Variants in HMBOX1 observed in about 807,000 individuals in gnomAD.
HMBOX1 encodes the protein homeobox-containing protein 1.
In HMBOX1, 14 loss-of-function variants were observed where a neutral mutation model predicts 54.5. That is an observed-to-expected ratio of 0.26 (90% CI 0.17 to 0.40). The LOEUF (loss-of-function observed/expected upper bound fraction) is 0.40. Ranked by LOEUF, HMBOX1 falls within the 10% of genes least tolerant of loss-of-function variation. The pLI is 1.00. For synonymous variants in HMBOX1, 160 were observed against 181.0 expected, an observed-to-expected ratio of 0.88 and a Z score of 0.93; for missense variants, 332 against 514.4, an observed-to-expected ratio of 0.65 and a Z score of 3.43.
chr8:28,984,100 G>C (rs1829824518), intron 4 of HMBOX1, among the ~76,000 whole-genome samples: 1 of 152,280 alleles, frequency 6.6e-6, no homozygotes, highest in African/African-American at 2.4e-5. Context: ...GTGAGTCTGA[G>C]TATGGAAGCC....
intron 1 of HMBOX1, among the ~76,000 whole-genome samples, chr8:28,948,574 TAAC>T: frequency 6.6e-6 from 1 of 152,340 alleles, no homozygotes; most frequent in South Asian, 2.1e-4. Context: ...TCTGAACTCT[TAAC>T]AAAACCTTTG....
chr8:29,019,522 A>T (rs1800846445), intron 6 of HMBOX1, among the ~76,000 whole-genome samples: 1 of 152,104 alleles, frequency 6.6e-6, no homozygotes, highest in Non-Finnish European at 1.5e-5. Context: ...CCTATAGTAG[A>T]ATTATCTTTT....
intron 4 of HMBOX1, among the ~76,000 whole-genome samples, chr8:28,997,169 C>G (rs1252128197): frequency 6.6e-6 from 1 of 152,176 alleles, no homozygotes; most frequent in Non-Finnish European, 1.5e-5. Flanking sequence ...GAGCAAACAT[C>G]CTTGTCTTGT....
chr8:28,924,913 C>CTT (rs368684931), intron 1 of HMBOX1, among the ~76,000 whole-genome samples: 208 of 126,368 alleles, frequency 1.6e-3, no homozygotes, highest in African/African-American at 5.3e-3. Flanking sequence ...CGCCCAGCCT[C>CTT]TTTTTTTTTT....
intron 3 of HMBOX1, among the ~76,000 whole-genome samples, chr8:28,979,501 A>G (rs1218156277): frequency 6.6e-6 from 1 of 152,182 alleles, no homozygotes; most frequent in Non-Finnish European, 1.5e-5. Flanking sequence ...CCCACTTTAA[A>G]TTTTTTGTTT....
chr8:29,009,716 C>G (rs1280403606), intron 5 of HMBOX1: 1 of 1,286,670 alleles, frequency 7.8e-7, no homozygotes, highest in Admixed American at 2.3e-5. Flanking sequence ...CCAGGAGCAG[C>G]AGTAGATTGG....
At chr8:28,898,129 G>A (rs2131539126) in intron 1 of HMBOX1, among the ~76,000 whole-genome samples, 1 of 152,026 alleles carries the variant, frequency 6.6e-6, no homozygotes, top group Middle Eastern at 3.4e-3. Context: ...GCTTTAAACA[G>A]GCTAACAAAA....
At chr8:29,006,828 G>A (rs1317411521) in intron 4 of HMBOX1, among the ~76,000 whole-genome samples, 2 of 152,124 alleles carry the variant, frequency 1.3e-5, no homozygotes, top group African/African-American at 2.4e-5. Flanking sequence ...TTTCATATTG[G>A]AACCAGTTAA....
At chr8:28,989,611 T>C (rs1445148953) in intron 4 of HMBOX1, among the ~76,000 whole-genome samples, 1 of 152,232 alleles carries the variant, frequency 6.6e-6, no homozygotes, top group African/African-American at 2.4e-5. Context: ...TAGATTATTA[T>C]AAGTCTTGAA....
At chr8:29,021,464 T>C (rs1390332045) in intron 6 of HMBOX1, among the ~76,000 whole-genome samples, 1 of 152,106 alleles carries the variant, frequency 6.6e-6, no homozygotes, top group Non-Finnish European at 1.5e-5. Context: ...TTGCAACTTT[T>C]ATTATCCCTA....
Position 29,045,489 on chromosome 8 carries a change from T to G in HMBOX1, c.934+46T>G, listed in dbSNP as rs767339603. 6 of 1,481,002 alleles carry G rather than the reference T, an allele frequency of 4.1e-6. No homozygotes were observed. The Admixed American group carries it at 1.0e-4, about 25-fold the overall frequency. The allele number at this position is 1,481,002 out of a possible 1,614,324, so 91.7% of individuals were successfully genotyped here. On this transcript the variant is annotated intron_variant, in intron 7 of 9. Coordinates refer to ENST00000287701, the MANE Select transcript of HMBOX1 (RefSeq NM_001135726.3). Reference sequence around the variant, plus strand: ...TTGCTCTGCGGTGCAGCACAGCGCTTGGTTACAGGTTGGCATCTAGGACAC... The same window carrying G: ...TTGCTCTGCGGTGCAGCACAGCGCTGGGTTACAGGTTGGCATCTAGGACAC...
At chr8:29,003,108 A>C (rs1435238872) in intron 4 of HMBOX1, among the ~76,000 whole-genome samples, 1 of 150,776 alleles carries the variant, frequency 6.6e-6, no homozygotes, top group Admixed American at 6.6e-5. Flanking sequence ...TTTTTTATCT[A>C]AGTAGGAGAG....
At chr8:29,003,068 CTG>C (rs1832876332) in intron 4 of HMBOX1, among the ~76,000 whole-genome samples, 1 of 150,564 alleles carries the variant, frequency 6.6e-6, no homozygotes. Context: ...GAGTATAAAA[CTG>C]AGTACAGTCT....
intron 1 of HMBOX1, among the ~76,000 whole-genome samples, chr8:28,941,972 A>G (rs1303447406): frequency 1.3e-5 from 2 of 152,186 alleles, no homozygotes; most frequent in Admixed American, 1.3e-4. Flanking sequence ...ACAGAAACGA[A>G]TACTCTTTCC....
intron 9 of HMBOX1, chr8:29,049,564 T>G (rs1161215583): frequency 4.3e-6 from 4 of 931,018 alleles, no homozygotes; most frequent in Non-Finnish European, 6.1e-6. Flanking sequence ...CCAGAGTCTC[T>G]GGCACACTGA....
chr8:29,010,109 C>G, intron 5 of HMBOX1: 1 of 978,484 alleles, frequency 1.0e-6, no homozygotes, highest in Non-Finnish European at 1.2e-6. Context: ...TCCGAATGGT[C>G]CAGGCAGGAT....
At chr8:29,037,381 G>A (rs924975210) in intron 6 of HMBOX1, among the ~76,000 whole-genome samples, 12 of 152,074 alleles carry the variant, frequency 7.9e-5, no homozygotes, top group Non-Finnish European at 1.2e-4. Flanking sequence ...CCATTTTGCC[G>A]ATACTTTAAG....
chr8:29,017,716 G>A (rs1835237785), intron 5 of HMBOX1, among the ~76,000 whole-genome samples: 1 of 152,148 alleles, frequency 6.6e-6, no homozygotes, highest in Admixed American at 6.5e-5. Flanking sequence ...TAACATTTTG[G>A]ACATCTGTGT....
chr8:28,927,919 A>G (rs1485903506), intron 1 of HMBOX1, among the ~76,000 whole-genome samples: 1 of 151,202 alleles, frequency 6.6e-6, no homozygotes, highest in East Asian at 1.9e-4. Flanking sequence ...GACGGATCAC[A>G]AGGTCAAGAG....
Sources: allele counts gnomAD v4.1 joint callset (sites outside exome capture counted in the v4.1 genomes callset), GRCh38; gene constraint gnomAD v4.1.1; transcripts MANE v1.5; gene names NCBI Gene and HGNC (gene_info 2026-07-23, HGNC 2026-07-21).